Variants in THSD7A observed in about 807,000 individuals in gnomAD.
The protein encoded by THSD7A is thrombospondin type-1 domain-containing protein 7A.
A neutral mutation model predicts 231.3 loss-of-function variants in THSD7A; 96 were observed. The observed-to-expected ratio is 0.41, with a 90% confidence interval of 0.35 to 0.49. The LOEUF is 0.49. Ranked by LOEUF, THSD7A falls within the 20% of genes least tolerant of loss-of-function variation. The pLI, the probability that THSD7A is intolerant of heterozygous loss-of-function variation, is 0.05. For missense variants in THSD7A, 2,290 were observed against 2,070.2 expected, an observed-to-expected ratio of 1.11 and a Z score of -2.06; for synonymous variants, 940 against 743.3, an observed-to-expected ratio of 1.26 and a Z score of -4.30.
intron 1 of THSD7A, among the ~76,000 whole-genome samples, chr7:11,702,397 T>C (rs1584235066): frequency 1.3e-5 from 2 of 151,260 alleles, no homozygotes; most frequent in South Asian, 2.1e-4. Context: ...TGTTTGTCAG[T>C]AGGGGGTAAC....
intron 1 of THSD7A, among the ~76,000 whole-genome samples, chr7:11,761,736 C>A (rs962145125): frequency 7.3e-5 from 11 of 151,564 alleles, no homozygotes; most frequent in African/African-American, 2.4e-4. Context: ...ATCAGAATTG[C>A]ATTCCTTTCT....
chr7:11,537,858 T>C (rs750435533), intron 6 of THSD7A, among the ~76,000 whole-genome samples: 9 of 152,320 alleles, frequency 5.9e-5, no homozygotes, highest in Non-Finnish European at 1.0e-4. Flanking sequence ...CTTACCTCAG[T>C]GCTCATCTCC....
At chr7:11,546,387 G>A (rs1276900586) in intron 4 of THSD7A, among the ~76,000 whole-genome samples, 1 of 152,140 alleles carries the variant, frequency 6.6e-6, no homozygotes, top group Non-Finnish European at 1.5e-5. Context: ...CAGTACAGCA[G>A]GTGCTTAACC....
intron 1 of THSD7A, among the ~76,000 whole-genome samples, chr7:11,725,032 G>C (rs147214401): frequency 9.6e-4 from 146 of 151,936 alleles, no homozygotes; most frequent in Middle Eastern, 3.4e-3. Flanking sequence ...TAGAAGAGAA[G>C]ATCCACGTAA....
intron 4 of THSD7A, among the ~76,000 whole-genome samples, chr7:11,577,697 C>G (rs924502876): frequency 4.0e-5 from 6 of 151,406 alleles, no homozygotes; most frequent in African/African-American, 1.5e-4. Context: ...AGGCATAAAG[C>G]TCCCTATCTG....
intron 4 of THSD7A, among the ~76,000 whole-genome samples, chr7:11,550,242 C>T (rs1041485857): frequency 6.6e-6 from 1 of 151,968 alleles, no homozygotes; most frequent in Non-Finnish European, 1.5e-5. Context: ...TCACAATAGC[C>T]ACCAAGAGAA....
intron 1 of THSD7A, among the ~76,000 whole-genome samples, chr7:11,828,508 T>C (rs1164690647): frequency 2.6e-5 from 4 of 152,208 alleles, no homozygotes; most frequent in Non-Finnish European, 4.4e-5. Flanking sequence ...TTCATGTGTA[T>C]GGTATGCCAT....
chr7:11,701,577 T>C (rs1217889652), intron 1 of THSD7A, among the ~76,000 whole-genome samples: 1 of 150,808 alleles, frequency 6.6e-6, no homozygotes, highest in Non-Finnish European at 1.5e-5. Context: ...AAAAACTGTG[T>C]TTTTTTTCTA....
At chr7:11,668,654 TA>T (rs1336338428) in intron 1 of THSD7A, among the ~76,000 whole-genome samples, 2 of 151,984 alleles carry the variant, frequency 1.3e-5, no homozygotes, top group Admixed American at 6.6e-5. Flanking sequence ...AAGACACAAC[TA>T]GGGGTAAATG....
chr7:11,406,854 A>G lies in THSD7A; in HGVS notation c.4062+56T>C, dbSNP rs1773485762. On this transcript the variant is annotated intron_variant, in intron 21 of 27. Transcript: ENST00000423059. This position sits in a 1 kb window ranked among gnomAD's most constrained non-coding sequence, Gnocchi z 4.7. Reference sequence around the variant, plus strand: ...ACATTATTTTTATGTTTTTCTGCAGATGAAGTCTCTGCAGATAGAGTACAC... The same window carrying G: ...ACATTATTTTTATGTTTTTCTGCAGGTGAAGTCTCTGCAGATAGAGTACAC... 1.9e-6 allele frequency: 3 copies of G among 1,578,944 alleles called. No homozygotes were observed. Among genetic ancestry groups the G allele is most frequent in the Middle Eastern group, 1.7e-4 (1 of 5,912 alleles).
chr7:11,476,627 G>C (rs1203883683), intron 7 of THSD7A, among the ~76,000 whole-genome samples: 1 of 151,904 alleles, frequency 6.6e-6, no homozygotes, highest in Admixed American at 6.6e-5. Flanking sequence ...GACCACCCTG[G>C]GCAGCACGGT....
intron 1 of THSD7A, among the ~76,000 whole-genome samples, chr7:11,713,688 T>C (rs542591065): frequency 1.2e-4 from 18 of 151,314 alleles, no homozygotes; most frequent in Middle Eastern, 6.8e-3. Flanking sequence ...AGAAGCCAGA[T>C]GATCATGACA....
intron 1 of THSD7A, among the ~76,000 whole-genome samples, chr7:11,718,544 C>T (rs1371176795): frequency 2.0e-5 from 3 of 151,614 alleles, no homozygotes; most frequent in Admixed American, 1.3e-4. Flanking sequence ...TAGTGTCTAC[C>T]ATTAAACAGT....
chr7:11,528,028 C>T (rs73286844), intron 6 of THSD7A, among the ~76,000 whole-genome samples: 8,925 of 152,054 alleles, frequency 0.059, 907 homozygotes, highest in African/African-American at 0.2. Flanking sequence ...CTAGCTGGGC[C>T]TAGTGGTGCA....
At chr7:11,427,649 G>A (rs1028030619) in intron 14 of THSD7A, among the ~76,000 whole-genome samples, 5 of 152,088 alleles carry the variant, frequency 3.3e-5, no homozygotes, top group African/African-American at 1.2e-4. Context: ...TATTAGGATT[G>A]GGAGTCATAT....
At chr7:11,699,267 T>C (rs74812855) in intron 1 of THSD7A, among the ~76,000 whole-genome samples, 13,789 of 151,264 alleles carry the variant, frequency 0.091, 794 homozygotes, top group Non-Finnish European at 0.14. Flanking sequence ...GAAGAGAAAA[T>C]GAAGTATATA....
At chr7:11,455,359 A>C (rs909672922) in intron 11 of THSD7A, among the ~76,000 whole-genome samples, 1 of 152,106 alleles carries the variant, frequency 6.6e-6, no homozygotes, top group African/African-American at 2.4e-5. Flanking sequence ...CATTTGTTTT[A>C]GAAAAGATTT....
At chr7:11,642,774 A>T (rs889078146) in intron 1 of THSD7A, among the ~76,000 whole-genome samples, 3 of 152,104 alleles carry the variant, frequency 2.0e-5, no homozygotes, top group African/African-American at 7.2e-5. Context: ...ACTTTAACAA[A>T]ATGTTGATAA....
chr7:11,599,738 T>C (rs931336784), intron 2 of THSD7A, among the ~76,000 whole-genome samples: 1 of 152,162 alleles, frequency 6.6e-6, no homozygotes, highest in Non-Finnish European at 1.5e-5. Context: ...GGATCTGTGA[T>C]GGTTAATACC....
Sources: allele counts gnomAD v4.1 joint callset (sites outside exome capture counted in the v4.1 genomes callset), GRCh38; gene constraint gnomAD v4.1.1; non-coding constraint Gnocchi (gnomAD v3.1); transcripts MANE v1.5; gene names NCBI Gene and HGNC (gene_info 2026-07-23, HGNC 2026-07-21).